BRD2: variants seen among roughly 807,000 people sequenced by gnomAD.
BRD2 encodes bromodomain containing 2, also known as bromodomain-containing protein 2.
BRD2 carries 15 observed loss-of-function variants against 79.1 expected under a neutral mutation model. The observed-to-expected ratio is 0.19, with a 90% CI of 0.13 to 0.29. BRD2 has a LOEUF of 0.29. Ranked by LOEUF, BRD2 falls within the 10% of genes least tolerant of loss-of-function variation. BRD2 has a pLI of 1.00. For synonymous variants in BRD2, 488 were observed against 358.6 expected (o/e 1.36, Z -4.08); for missense variants, 1,053 against 991.3 (o/e 1.06, Z -0.84).
In BRD2 at chr6:32,980,830, C is replaced by A; in HGVS notation, c.*112C>A. The A allele has an allele frequency of 7.9e-7, 1 of 1,268,724 alleles. No homozygotes were observed. The highest frequency in any genetic ancestry group is 1.1e-6 in the Non-Finnish European group (1 of 905,908). 78.6% of individuals were successfully genotyped at this position (1,268,724 alleles called of 1,614,324 possible). A position where few individuals can be genotyped will look rare whatever the true frequency, so the allele number is the denominator to read the frequency against. ...GACACTTCTTCATCTCACCCCCCCC[C>A]GCCCCCCTCTAGGAGAGCTGGCTCT... On this transcript the variant is annotated 3_prime_UTR_variant, in exon 13 of 13. Transcript: ENST00000374825.
intron 7 of BRD2, 120 bp downstream of exon 7, chr6:32,977,056 AAAT>A: frequency 7.4e-7 from 1 of 1,344,142 alleles, no homozygotes; most frequent in Non-Finnish European, 9.9e-7. Context: ...TACTTTTATA[AAAT>A]AATAGTGGAA....
chr6:32,975,407 G>C lies in BRD2; in HGVS notation c.357G>C (p.Gln119His). The C allele has an allele frequency of 6.2e-7, 1 of 1,608,170 alleles. No individual in the cohort carries two copies. Among genetic ancestry groups the C allele is most frequent in the Non-Finnish European group, 8.5e-7 (1 of 1,176,100 alleles). ...AGGATTATCACAAAATTATAAAACA[G>C]CCTATGGACATGGGTACTATTAAGA... is the stretch of plus-strand genomic sequence containing the variant. ...GLPDYHKIIK[Q>H]PMDMGTIKRR... The change falls in exon 4 of 13, where the codon CAG becomes CAC. Residue 119 changes from glutamine (Q) to histidine (H), a missense_variant. By Grantham distance (24) the Gln-to-His change is conservative. This residue lies in a region of BRD2 where 413 missense variants were observed against 335.1 expected (regional missense o/e 1.23). Coordinates refer to ENST00000374825, the MANE Select transcript of BRD2 (RefSeq NM_005104.4).
rs1361416627 is a variant in BRD2 at position 32,975,200 on chromosome 6, A to G, written c.334-184A>G. ...CAGGGGCCTCCCTGTGGATGTCAAGAATCTTTTTTATTTATTTATTTATTT... is the reference window on the plus strand; with the variant it reads ...CAGGGGCCTCCCTGTGGATGTCAAGGATCTTTTTTATTTATTTATTTATTT... On this transcript the variant is annotated intron_variant, in intron 3 of 12. Transcript: ENST00000374825. The G allele has an allele frequency of 2.3e-6, 3 of 1,287,220 alleles. No homozygotes were observed. The East Asian group carries it at 7.7e-5, about 33-fold the overall frequency. 79.7% of individuals were successfully genotyped at this position (1,287,220 alleles called of 1,614,324 possible). A position where few individuals can be genotyped will look rare whatever the true frequency, so the allele number is the denominator to read the frequency against.
At position 32,972,702 on chromosome 6, in the gene BRD2, C is replaced by T. The variant is rs771214905; in HGVS notation, c.-197C>T. On this transcript the variant is annotated 5_prime_UTR_variant, in exon 2 of 13. Coordinates refer to ENST00000374825, the MANE Select transcript of BRD2 (RefSeq NM_005104.4). Reference sequence around the variant, plus strand: ...TGCTGTCCGCCGTCTGCAGAGCGCGCCAAGCTGCCCGGAGCTCTCCGAGAG... The same window carrying T: ...TGCTGTCCGCCGTCTGCAGAGCGCGTCAAGCTGCCCGGAGCTCTCCGAGAG... 23 of 756,788 alleles carry T rather than the reference C, an allele frequency of 3.0e-5. No individual in the cohort carries two copies. Among genetic ancestry groups the T allele is most frequent in the Non-Finnish European group, 4.2e-5 (20 of 474,276 alleles). 46.9% of individuals were successfully genotyped at this position (756,788 alleles called of 1,614,324 possible). A position where few individuals can be genotyped will look rare whatever the true frequency, so the allele number is the denominator to read the frequency against.
Position 32,977,899 on chromosome 6 carries a change from CTGAGGAAGAGGAGGAGGAAGA to C in BRD2, c.1479_1499del (p.Glu494_Glu500del). 1 of 1,612,962 alleles carries C rather than the reference CTGAGGAAGAGGAGGAGGAAGA, an allele frequency of 6.2e-7. No homozygotes were observed. Among genetic ancestry groups the C allele is most frequent in the Non-Finnish European group, 8.5e-7 (1 of 1,179,988 alleles). On this transcript the variant is annotated inframe_deletion, in exon 9 of 13. Coordinates refer to ENST00000374825, the MANE Select transcript of BRD2 (RefSeq NM_005104.4). ...GAGGAAAGTAGCAGTGAGAGCTCCT[CTGAGGAAGAGGAGGAGGAAGA>C]TGAGGAGGACGAGGAGGAAGAAGAG...
At chr6:32,975,938 G>A in intron 4 of BRD2, 93 bp from the exon 5 acceptor site, 1 of 1,412,576 alleles carries the variant, frequency 7.1e-7, no homozygotes, top group East Asian at 2.3e-5. Flanking sequence ...TATGGTAATG[G>A]CCTAGGGCCT....
At position 32,979,811 on chromosome 6, in the gene BRD2, ACT is replaced by A. The variant is rs1561960370; in HGVS notation, c.1842-14_1842-13del. The A allele has an allele frequency of 6.2e-7, 1 of 1,601,816 alleles. No individual in the cohort carries two copies. ...GTTAATGAAGCTTCTTTTGCTGACA[ACT>A]CTTTTTGCCCTTAGGCTCCCCAAAA... On this transcript the variant is annotated splice_polypyrimidine_tract_variant and intron_variant, in intron 10 of 12. Transcript: ENST00000374825.
rs1183401537 is a variant in BRD2 at position 32,972,530 on chromosome 6, G to C, written c.-369G>C. Reference sequence around the variant, plus strand: ...TCCGAGATCGAAACGGGACCTCGTCGGCCCCGTAGGGGCCCGACAAGAAGA... The same window carrying C: ...TCCGAGATCGAAACGGGACCTCGTCCGCCCCGTAGGGGCCCGACAAGAAGA... On this transcript the variant is annotated 5_prime_UTR_variant, in exon 2 of 13. Transcript: ENST00000374825. 5.7e-6 allele frequency: 2 copies of C among 353,514 alleles called. No homozygotes were observed. Among genetic ancestry groups the C allele is most frequent in the African/African-American group, 2.1e-5 (1 of 46,570 alleles). The allele number at this position is 353,514 out of a possible 1,614,324, so 21.9% of individuals were successfully genotyped here.
chr6:32,969,154 TGA>T (rs1423633721), intron 1 of BRD2, 98 bp downstream of exon 1: 3 of 528,784 alleles, frequency 5.7e-6, no homozygotes, highest in African/African-American at 2.0e-5. Flanking sequence ...GAAAGAATCC[TGA>T]GAGTGGGAAG....
chr6:32,974,904 C>T (rs753072510), intron 3 of BRD2, 139 bp downstream of exon 3: 499 of 1,390,074 alleles, frequency 3.6e-4, no homozygotes, highest in Non-Finnish European at 4.6e-4. Context: ...TACCAGATTT[C>T]TGGGTATCTT....
rs757289131 is a variant in BRD2 at position 32,974,700 on chromosome 6, C to T, written c.268C>T (p.Leu90=). ...QYLHKVVMKA[L]WKHQFAWPFR... is the part of the protein sequence containing the mutation. ...CCTACACAAGGTAGTGATGAAGGCT[C>T]TGTGGAAACATCAGTTCGCATGGCC... Residue 90 remains leucine (L), a synonymous_variant, in exon 3 of 13, where the codon CTG becomes TTG. Coordinates refer to ENST00000374825, the MANE Select transcript of BRD2 (RefSeq NM_005104.4). 5.6e-6 allele frequency: 9 copies of T among 1,614,222 alleles called. No individual in the cohort carries two copies. Among genetic ancestry groups the T allele is most frequent in the Non-Finnish European group, 7.6e-6 (9 of 1,180,042 alleles).
In BRD2 at chr6:32,977,599, TAAATG is replaced by T. The variant is rs774426893; in HGVS notation, c.1329+30_1329+34del. The T allele has an allele frequency of 1.7e-5, 27 of 1,612,518 alleles. No homozygotes were observed. In the African/African-American group the frequency reaches 2.0e-4, roughly 12 times the overall value. On this transcript the variant is annotated intron_variant, in intron 8 of 12. Coordinates refer to ENST00000374825, the MANE Select transcript of BRD2 (RefSeq NM_005104.4). ...AGTGGAAAGGTTGGAGTTTGAAAAATAAATGGTATGGGGAGTTATTTTGTCATGTG... is the reference window on the plus strand; with the variant it reads ...AGTGGAAAGGTTGGAGTTTGAAAAATGTATGGGGAGTTATTTTGTCATGTG...
rs1778063514 is a variant in BRD2, at chr6:32,972,080, G to C, written c.-819G>C. 1 of 696,456 alleles carries C rather than the reference G, an allele frequency of 1.4e-6. No individual in the cohort carries two copies. The highest frequency in any genetic ancestry group is 2.6e-6 in the Non-Finnish European group (1 of 382,136). The allele number at this position is 696,456 out of a possible 1,614,324, so 43.1% of individuals were successfully genotyped here. A position where few individuals can be genotyped will look rare whatever the true frequency, so the allele number is the denominator to read the frequency against. The stretch of plus-strand genomic sequence containing the variant: ...CCTTCGACTCAGCTTCTTCACCCGC[G>C]TGAGCGAGCGCGCGCGCGCGGAGGG... On this transcript the variant is annotated 5_prime_UTR_variant, in exon 2 of 13. Coordinates refer to ENST00000374825, the MANE Select transcript of BRD2 (RefSeq NM_005104.4).
In BRD2 at chr6:32,976,676, C is replaced by G. The variant is rs757878871; in HGVS notation, c.940C>G (p.Pro314Ala). The G allele has an allele frequency of 6.2e-7, 1 of 1,613,078 alleles. No individual in the cohort carries two copies. The highest frequency in any genetic ancestry group is 8.5e-7 in the Non-Finnish European group (1 of 1,180,038). ...TCTTGAGCCTAAGGCAGCACGGCTT[C>G]CCCCTATGCGTAGAGAGAGTGGTCG... ...GSLEPKAARLPPMRRESGRPI... is the reference protein window; with the variant it reads ...GSLEPKAARLAPMRRESGRPI... The change falls in exon 7 of 13, where the codon CCC becomes GCC. Residue 314 changes from proline (P) to alanine (A), a missense_variant. By Grantham distance (27) the Pro-to-Ala change is conservative. Coordinates refer to ENST00000374825, the MANE Select transcript of BRD2 (RefSeq NM_005104.4).
At chr6:32,977,689 A>G (rs73409631) in intron 8 of BRD2, 68 bp from the exon 9 acceptor site, 109,118 of 1,605,380 alleles carry the variant, frequency 0.068, 4,624 homozygotes, top group Non-Finnish European at 0.084. Flanking sequence ...TTGGAGCTAT[A>G]TCACTTGGTG....
chr6:32,972,861 T>C lies in BRD2; in HGVS notation c.-38T>C, dbSNP rs570969275. ...AGGGGAACCGAGGCCACCCGGACTT[T>C]CCGCGGCTGAGGGCAGCGCCGGTTC... On this transcript the variant is annotated 5_prime_UTR_variant, in exon 2 of 13. Coordinates refer to ENST00000374825, the MANE Select transcript of BRD2 (RefSeq NM_005104.4). The C allele has an allele frequency of 1.2e-5, 19 of 1,613,794 alleles. No homozygotes were observed. In the South Asian group the frequency reaches 1.6e-4, roughly 14 times the overall value.
intron 1 of BRD2, 111 bp from the exon 2 acceptor site, chr6:32,971,484 T>C (rs1048382104): frequency 4.8e-6 from 2 of 416,398 alleles, no homozygotes; most frequent in Admixed American, 4.3e-5. Context: ...TGTTTTAGAC[T>C]GTGGGGCATG....
chr6:32,973,678 A>G (rs1330574740), intron 2 of BRD2, among the ~76,000 whole-genome samples: 1 of 152,102 alleles, frequency 6.6e-6, no homozygotes. Context: ...TTGGTGCTAC[A>G]GGGGGAACTG....
At chr6:32,978,609 C>A (rs537914163) in intron 10 of BRD2, 18,522 of 695,204 alleles carry the variant, frequency 0.027, 483 homozygotes, top group African/African-American at 0.091. Flanking sequence ...AACTGTTCCA[C>A]CTCAGATCAT....
Sources: gnomAD v4.1 joint callset for allele counts (sites outside exome capture counted in the v4.1 genomes callset) on GRCh38, gnomAD v4.1.1 for gene constraint, gnomAD v4.1.1 regional missense constraint, MANE v1.5 for transcripts, NCBI Gene and HGNC (gene_info 2026-07-23, HGNC 2026-07-21) for gene names.